IFRD1: variants seen among roughly 807,000 people sequenced by gnomAD.
The protein encoded by IFRD1 is interferon-related developmental regulator 1.
In IFRD1, 35 loss-of-function variants were observed where a neutral mutation model predicts 52.9. That is an observed-to-expected ratio of 0.66 (90% confidence interval 0.51 to 0.88). The LOEUF is 0.88. Among genes scored for constraint, IFRD1 ranks in the 40% least tolerant of loss-of-function variants. The pLI is 0.00. For synonymous variants in IFRD1, 184 were observed against 188.4 expected, an observed-to-expected ratio of 0.98 and a Z score of 0.19; for missense variants, 517 against 550.8, an observed-to-expected ratio of 0.94 and a Z score of 0.61.
At chr7:112,469,508 AAAGT>A (rs1169226517) in intron 9 of IFRD1, among the ~76,000 whole-genome samples, 2 of 152,212 alleles carry the variant, frequency 1.3e-5, no homozygotes, top group East Asian at 1.9e-4. Context: ...CAGTATCTCT[AAAGT>A]AAGCCATTTT....
chr7:112,433,612 A>G (rs1327721692), intron 1 of IFRD1, among the ~76,000 whole-genome samples: 1 of 152,204 alleles, frequency 6.6e-6, no homozygotes, highest in Non-Finnish European at 1.5e-5. Flanking sequence ...GTCCCCAGGC[A>G]GAAAGGGGTT....
intron 8 of IFRD1, among the ~76,000 whole-genome samples, chr7:112,463,853 TACACACACAC>T (rs72284919): frequency 1.6e-4 from 7 of 43,456 alleles, no homozygotes; most frequent in South Asian, 4.7e-4. Flanking sequence ...CACATTTATA[TACACACACAC>T]ACACACACAC....
At chr7:112,436,740 C>A (rs1049732740) in intron 1 of IFRD1, among the ~76,000 whole-genome samples, 2 of 152,048 alleles carry the variant, frequency 1.3e-5, no homozygotes, top group Non-Finnish European at 2.9e-5. Context: ...AGTATACAAC[C>A]AACAAACCAT....
At chr7:112,454,390 G>T (rs1002352147) in intron 1 of IFRD1, among the ~76,000 whole-genome samples, 1 of 151,818 alleles carries the variant, frequency 6.6e-6, no homozygotes, top group African/African-American at 2.4e-5. Context: ...ACTGGGTTTC[G>T]CCATGTTGGC....
intron 1 of IFRD1, 37 bp from the exon 2 acceptor site, chr7:112,455,726 A>G (rs777879710): frequency 2.9e-6 from 4 of 1,369,416 alleles, no homozygotes; most frequent in Non-Finnish European, 4.2e-6. Flanking sequence ...GTATATGGCA[A>G]TAAAATAATT....
At chr7:112,452,652 C>T (rs1196947043) in intron 1 of IFRD1, 2 of 158,756 alleles carry the variant, frequency 1.3e-5, no homozygotes, top group East Asian at 3.8e-4. Flanking sequence ...GGCAAGCCTC[C>T]TTCCCTCTTT....
intron 1 of IFRD1, among the ~76,000 whole-genome samples, chr7:112,451,613 T>C (rs1795168440): frequency 6.6e-6 from 1 of 152,200 alleles, no homozygotes; most frequent in Non-Finnish European, 1.5e-5. Context: ...AAACTTTTCC[T>C]GGGTGGGATG....
chr7:112,462,115 C>G lies in IFRD1; in HGVS notation c.733C>G (p.Leu245Val), dbSNP rs1215823151. 1 of 1,613,872 alleles carries G rather than the reference C, an allele frequency of 6.2e-7. No individual in the cohort carries two copies. Among genetic ancestry groups the G allele is most frequent in the Non-Finnish European group, 8.5e-7 (1 of 1,179,886 alleles). Residue 245 changes from leucine (L) to valine (V), a missense_variant, in exon 7 of 12, where the codon CTT becomes GTT. By Grantham distance (32) the Leu-to-Val change is conservative. Transcript: ENST00000403825. Reference protein sequence around the residue: ...TPNTVLHISSLLAWTLLLTIC... With the variant: ...TPNTVLHISSVLAWTLLLTIC... ...TAATACAGTGCTTCATATCAGCTCT[C>G]TTCTTGCATGGACACTACTGCTGAC...
At chr7:112,467,946 A>C (rs757962618) in intron 8 of IFRD1, 35 bp from the exon 9 acceptor site, 2 of 1,605,386 alleles carry the variant, frequency 1.2e-6, no homozygotes, top group Non-Finnish European at 1.7e-6. Context: ...AAGAAAAATA[A>C]TAATAAAGGA....
At chr7:112,470,113 C>T (rs1029631) in intron 9 of IFRD1, among the ~76,000 whole-genome samples, 70,466 of 151,914 alleles carry the variant, frequency 0.46, 16,795 homozygotes, top group Non-Finnish European at 0.51. Context: ...TTGAGGCTCA[C>T]GGATTCCTCA....
At chr7:112,442,578 G>A (rs888871191) in intron 1 of IFRD1, among the ~76,000 whole-genome samples, 11 of 152,196 alleles carry the variant, frequency 7.2e-5, no homozygotes, top group African/African-American at 2.7e-4. Context: ...GGGTAGAGAG[G>A]AGGAACCTCT....
Position 112,450,644 on chromosome 7 carries a change from G to T in IFRD1, c.-45G>T. 6.7e-7 allele frequency: 1 copy of T among 1,500,314 alleles called. No homozygotes were observed. The highest frequency in any genetic ancestry group is 1.1e-5 in the South Asian group (1 of 88,718). The allele number at this position is 1,500,314 out of a possible 1,614,324, so 92.9% of individuals were successfully genotyped here. ...AGTAAAAAGTGCAGCTCCATCGGCT[G>T]ATCCTCGCTAAGCTCCGACTCTGGG... On this transcript the variant is annotated 5_prime_UTR_variant, in exon 1 of 12. The change abolishes the stop of an existing upstream ORF in the 5' untranslated region. Coordinates refer to ENST00000403825, the MANE Select transcript of IFRD1 (RefSeq NM_001550.4).
chr7:112,424,986 G>C (rs190412755), intron 1 of IFRD1, among the ~76,000 whole-genome samples: 4 of 152,146 alleles, frequency 2.6e-5, no homozygotes, highest in Admixed American at 2.6e-4. Flanking sequence ...ACAGCACTTG[G>C]GTGATTGTCA....
Position 112,450,552 on chromosome 7 carries a change from C to A in IFRD1, c.-137C>A, listed in dbSNP as rs993938407. ...CTGCCGCCACCGCCCACTCTTACCC[C>A]CGCCGCTTCTCGACTCTGTTGTTAG... On this transcript the variant is annotated 5_prime_UTR_variant, in exon 1 of 12. Coordinates refer to ENST00000403825, the MANE Select transcript of IFRD1 (RefSeq NM_001550.4). 1.4e-6 allele frequency: 1 copy of A among 705,976 alleles called. No individual in the cohort carries two copies. The highest frequency in any genetic ancestry group is 2.6e-6 in the Non-Finnish European group (1 of 384,052). The allele number at this position is 705,976 out of a possible 1,614,324, so 43.7% of individuals were successfully genotyped here.
intron 9 of IFRD1, 138 bp downstream of exon 9, chr7:112,468,253 A>G: frequency 2.1e-6 from 2 of 965,040 alleles, no homozygotes; most frequent in Non-Finnish European, 3.2e-6. Context: ...GCAGGTTTTT[A>G]ACAATATAAG....
chr7:112,464,490 A>G (rs769730636), intron 8 of IFRD1, among the ~76,000 whole-genome samples: 5 of 152,166 alleles, frequency 3.3e-5, no homozygotes, highest in Non-Finnish European at 5.9e-5. Context: ...GTTGGATAAT[A>G]TTGGGCAACT....
At chr7:112,451,294 C>T (rs1795156595) in intron 1 of IFRD1, among the ~76,000 whole-genome samples, 1 of 152,188 alleles carries the variant, frequency 6.6e-6, no homozygotes, top group Non-Finnish European at 1.5e-5. Context: ...CGGGGTGACG[C>T]AGAGGCGCTG....
intron 1 of IFRD1, among the ~76,000 whole-genome samples, chr7:112,439,221 T>TC (rs1794801973): frequency 6.6e-6 from 1 of 152,222 alleles, no homozygotes; most frequent in Admixed American, 6.5e-5. Flanking sequence ...GGCCCTATGT[T>TC]CGTACATTGT....
At chr7:112,424,478 G>C (rs745513305) in intron 1 of IFRD1, among the ~76,000 whole-genome samples, 2 of 151,276 alleles carry the variant, frequency 1.3e-5, no homozygotes, top group African/African-American at 4.9e-5. Flanking sequence ...GCAATGGCAC[G>C]ATCTTGACTC....
Sources: gnomAD v4.1 joint callset for allele counts (sites outside exome capture counted in the v4.1 genomes callset) on GRCh38, gnomAD v4.1.1 for gene constraint, MANE v1.5 for transcripts, NCBI Gene and HGNC (gene_info 2026-07-23, HGNC 2026-07-21) for gene names.